Variants in SCIN observed in about 807,000 individuals in gnomAD.
SCIN encodes the protein adseverin.
In SCIN, 91 loss-of-function variants were observed where a neutral mutation model predicts 91.8. That is an observed-to-expected ratio of 0.99 (90% CI 0.84 to 1.18). The LOEUF (loss-of-function observed/expected upper bound fraction) is 1.18, where lower values mean the gene tolerates loss of function less well. Ranked by LOEUF, SCIN falls within the 50% of genes most tolerant of loss-of-function variation. SCIN has a pLI of 0.00. For synonymous variants in SCIN, 367 were observed against 312.6 expected, an observed-to-expected ratio of 1.17 and a Z score of -1.84; for missense variants, 1,087 against 863.9, an observed-to-expected ratio of 1.26 and a Z score of -3.24.
intron 4 of SCIN, among the ~76,000 whole-genome samples, chr7:12,615,770 G>C (rs1016283705): frequency 1.3e-5 from 2 of 151,850 alleles, no homozygotes; most frequent in Non-Finnish European, 2.9e-5. Context: ...ATTTTTAAGT[G>C]CCTCAGAGTA....
intron 1 of SCIN, among the ~76,000 whole-genome samples, chr7:12,571,791 G>A (rs915156633): frequency 6.6e-6 from 1 of 152,150 alleles, no homozygotes; most frequent in African/African-American, 2.4e-5. Context: ...TTTGAGCTGC[G>A]TTCGTGCCAG....
At chr7:12,585,279 G>C (rs549262782) in intron 3 of SCIN, among the ~76,000 whole-genome samples, 2 of 152,114 alleles carry the variant, frequency 1.3e-5, no homozygotes, top group African/African-American at 4.8e-5. Context: ...CCACACTTTT[G>C]ACTTTTCCCA....
At chr7:12,600,472 G>A (rs1488586416) in intron 3 of SCIN, among the ~76,000 whole-genome samples, 14 of 152,062 alleles carry the variant, frequency 9.2e-5, no homozygotes. Context: ...CTAAATAAAT[G>A]CCACCTGCTC....
chr7:12,571,163 G>T (rs1247790844), intron 1 of SCIN, 178 bp downstream of exon 1: 1 of 668,502 alleles, frequency 1.5e-6, no homozygotes, highest in Non-Finnish European at 2.5e-6. Flanking sequence ...TCAACTCGCC[G>T]GCTGCAAACG....
chr7:12,651,779 A>G lies in SCIN; in HGVS notation c.1960-62A>G. On this transcript the variant is annotated intron_variant, in intron 14 of 15. Transcript: ENST00000297029. This position sits in a 1 kb window ranked among gnomAD's most constrained non-coding sequence, Gnocchi z 5.9. ...AATGTGTGTGTGAAGCACTTTACAT[A>G]GGGCCTAGCACTGAGTCAACATCCC... is the stretch of plus-strand genomic sequence containing the variant. 1 of 1,048,878 alleles carries G rather than the reference A, an allele frequency of 9.5e-7. No individual in the cohort carries two copies. Among genetic ancestry groups the G allele is most frequent in the Non-Finnish European group, 1.4e-6 (1 of 696,628 alleles). 65.0% of individuals were successfully genotyped at this position (1,048,878 alleles called of 1,614,324 possible).
intron 4 of SCIN, among the ~76,000 whole-genome samples, chr7:12,610,833 A>T (rs181820226): frequency 3.3e-5 from 5 of 152,174 alleles, no homozygotes; most frequent in African/African-American, 1.2e-4. Context: ...ACTTAGTGCA[A>T]TACTGTCCCA....
intron 8 of SCIN, among the ~76,000 whole-genome samples, chr7:12,628,032 C>CGTGTGTGT (rs59555647): frequency 6.8e-6 from 1 of 146,284 alleles, no homozygotes; most frequent in East Asian, 2.0e-4. Context: ...AGTGTGCGCG[C>CGTGTGTGT]GTGTGTGTGT....
intron 1 of SCIN, among the ~76,000 whole-genome samples, chr7:12,573,339 A>G (rs1562591154): frequency 1.3e-5 from 2 of 152,166 alleles, no homozygotes; most frequent in Non-Finnish European, 1.5e-5. Context: ...AAAAAGGTGC[A>G]TAGCATAGAA....
chr7:12,650,106 T>A (rs1256159878), intron 14 of SCIN, among the ~76,000 whole-genome samples: 3 of 152,204 alleles, frequency 2.0e-5, no homozygotes, highest in Non-Finnish European at 2.9e-5. Flanking sequence ...GAAAAGTAAA[T>A]ATATTATGAA....
chr7:12,622,293 C>T (rs1364822333), intron 4 of SCIN, among the ~76,000 whole-genome samples: 2 of 152,062 alleles, frequency 1.3e-5, no homozygotes, highest in African/African-American at 4.8e-5. Flanking sequence ...GCCAAGGATA[C>T]AGCAGAAAAC....
In SCIN at chr7:12,608,325, A is replaced by G. The variant is rs1287315663; in HGVS notation, c.666+3662A>G. Reference sequence around the variant, plus strand: ...CTATACTATGCATGCACACATGCACACACACACACACACACACACACACAG... The same window carrying G: ...CTATACTATGCATGCACACATGCACGCACACACACACACACACACACACAG... On this transcript the variant is annotated intron_variant, in intron 4 of 15. Transcript: ENST00000297029. 3.4e-5 allele frequency among the ~76,000 whole-genome samples: 5 copies of G among 148,332 alleles called. No individual in the cohort carries two copies. In the South Asian group the frequency reaches 6.3e-4, roughly 19 times the overall value.
chr7:12,601,589 T>A (rs1272643010), intron 3 of SCIN, among the ~76,000 whole-genome samples: 2 of 152,276 alleles, frequency 1.3e-5, no homozygotes, highest in East Asian at 3.9e-4. Flanking sequence ...CCTTGCTAGT[T>A]TTTTCTTAAT....
intron 3 of SCIN, among the ~76,000 whole-genome samples, chr7:12,603,384 C>A (rs1467175078): frequency 6.6e-6 from 1 of 152,056 alleles, no homozygotes; most frequent in Non-Finnish European, 1.5e-5. Context: ...GACCCACGAT[C>A]CGCAAGCCTC....
intron 11 of SCIN, among the ~76,000 whole-genome samples, chr7:12,641,172 C>T (rs968270196): frequency 4.6e-5 from 7 of 152,134 alleles, no homozygotes; most frequent in African/African-American, 1.4e-4. Context: ...GCATATCAAG[C>T]CTGGAGCTGT....
At chr7:12,607,627 T>C (rs1783104999) in intron 4 of SCIN, among the ~76,000 whole-genome samples, 1 of 152,240 alleles carries the variant, frequency 6.6e-6, no homozygotes, top group East Asian at 1.9e-4. Flanking sequence ...CCACTTTGTT[T>C]TCATTCAATA....
intron 3 of SCIN, among the ~76,000 whole-genome samples, chr7:12,599,736 C>T (rs1782919736): frequency 6.6e-6 from 1 of 151,844 alleles, no homozygotes. Context: ...GGTGGTATCG[C>T]ATTGTGATTT....
intron 3 of SCIN, among the ~76,000 whole-genome samples, chr7:12,602,021 T>G (rs1395722993): frequency 6.6e-6 from 1 of 152,194 alleles, no homozygotes; most frequent in Non-Finnish European, 1.5e-5. Flanking sequence ...CTCAGGGTCC[T>G]GGGTTTAAGC....
intron 2 of SCIN, among the ~76,000 whole-genome samples, chr7:12,578,881 C>G (rs553382928): frequency 8.7e-6 from 1 of 115,334 alleles, no homozygotes; most frequent in African/African-American, 3.1e-5. Flanking sequence ...GGTTCTATCC[C>G]TTTAAGGCAG....
chr7:12,649,462 T>G lies in SCIN; in HGVS notation c.1882-5T>G. 1.9e-6 allele frequency: 3 copies of G among 1,584,056 alleles called. No homozygotes were observed. The highest frequency in any genetic ancestry group is 2.6e-6 in the Non-Finnish European group (3 of 1,162,990). ...TTTGCTCATATAGCTTTTTATACCT[T>G]TCAGATTGAAGAGATTCCAGGAGAG... On this transcript the variant is annotated splice_polypyrimidine_tract_variant and splice_region_variant and intron_variant, in intron 13 of 15. Coordinates refer to ENST00000297029, the MANE Select transcript of SCIN (RefSeq NM_001112706.3).
Sources: gnomAD v4.1 joint callset for allele counts (sites outside exome capture counted in the v4.1 genomes callset) on GRCh38, gnomAD v4.1.1 for gene constraint, Gnocchi (gnomAD v3.1) non-coding constraint, MANE v1.5 for transcripts, NCBI Gene and HGNC (gene_info 2026-07-23, HGNC 2026-07-21) for gene names.